Variants in LETMD1 observed in about 807,000 individuals in gnomAD.
The protein encoded by LETMD1 is LETM1 domain containing 1.
Under a neutral mutation model 43.9 loss-of-function variants are expected in LETMD1, and 30 were observed. The observed-to-expected ratio is 0.68, with a 90% CI of 0.51 to 0.93. LETMD1 has a LOEUF of 0.93. Among genes scored for constraint, LETMD1 ranks in the 40% least tolerant of loss-of-function variants. LETMD1 has a pLI of 0.00. For synonymous variants in LETMD1, 176 were observed against 163.1 expected (o/e 1.08, Z -0.60); for missense variants, 413 against 447.7 (o/e 0.92, Z 0.70).
At chr12:51,057,514 C>A (rs1356267980) in intron 7 of LETMD1, 1 of 154,886 alleles carries the variant, frequency 6.5e-6, no homozygotes, top group African/African-American at 2.4e-5. Context: ...AAGGATACTG[C>A]AGTTTAGACC....
At chr12:51,056,818 A>G in intron 7 of LETMD1, 1 of 213,644 alleles carries the variant, frequency 4.7e-6, no homozygotes, top group Admixed American at 5.4e-5. Context: ...ACGCCCAGCT[A>G]ATTTTTTGTA....
chr12:51,049,056 C>G lies in LETMD1; in HGVS notation c.145C>G (p.Pro49Ala), dbSNP rs1244022156. 1.9e-6 allele frequency: 3 copies of G among 1,614,006 alleles called. No homozygotes were observed. Among genetic ancestry groups the G allele is most frequent in the Admixed American group, 3.3e-5 (2 of 59,950 alleles). The stretch of plus-strand genomic sequence containing the variant: ...TAGGTCTTCAAAGCTTCACCTTTCT[C>G]CAAAGGCAGATGTGAAGAACTTGAT... ...APRSSKLHLSPKADVKNLMSY... is the reference protein window; with the variant it reads ...APRSSKLHLSAKADVKNLMSY... Residue 49 changes from proline (P) to alanine (A), a missense_variant, in exon 2 of 9, where the codon CCA becomes GCA. Transcript: ENST00000262055.
chr12:51,049,253 T>A, intron 2 of LETMD1, 68 bp downstream of exon 2: 1 of 1,394,582 alleles, frequency 7.2e-7, no homozygotes, highest in Non-Finnish European at 9.9e-7. Flanking sequence ...TTAGCATAAA[T>A]AAGATCATTT....
chr12:51,067,907 T>G, the LETMD1 span: 1 of 1,614,188 alleles, frequency 6.2e-7, no homozygotes, highest in Non-Finnish European at 8.5e-7. The surrounding 1 kb of genome is among the most constrained non-coding windows in gnomAD (Gnocchi z 4.1). Context: ...TATCTTCATC[T>G]GACACATCAT....
chr12:51,066,831 TCTG>T, the LETMD1 span, among the ~76,000 whole-genome samples: 8 of 152,260 alleles, frequency 5.3e-5, no homozygotes, highest in African/African-American at 1.7e-4. Context: ...ACACCATTCC[TCTG>T]CTAACTTTTT....
chr12:51,049,854 A>G (rs561422720), intron 2 of LETMD1, among the ~76,000 whole-genome samples: 2 of 152,332 alleles, frequency 1.3e-5, no homozygotes, highest in East Asian at 3.9e-4. Flanking sequence ...TGATACATGT[A>G]AAGTACCTAG....
chr12:51,066,720 T>G, the LETMD1 span, among the ~76,000 whole-genome samples: 2 of 152,142 alleles, frequency 1.3e-5, no homozygotes, highest in African/African-American at 4.8e-5. Flanking sequence ...CTAGGCCAGG[T>G]CTGATCCTGA....
intron 7 of LETMD1, chr12:51,057,565 T>C (rs1046884566): frequency 5.4e-6 from 1 of 183,706 alleles, no homozygotes; most frequent in African/African-American, 2.4e-5. Flanking sequence ...TTTTGTCATC[T>C]TGTCCATCAC....
downstream of LETMD1, chr12:51,062,175 C>T (rs753157174): frequency 3.3e-5 from 5 of 152,204 alleles, no homozygotes; most frequent in Non-Finnish European, 5.9e-5. Flanking sequence ...CTGCGACATA[C>T]GTGATGGTTT....
In LETMD1 at chr12:51,049,123, A is replaced by C; in HGVS notation, c.212A>C (p.Tyr71Ser). 1 of 1,614,038 alleles carries C rather than the reference A, an allele frequency of 6.2e-7. No homozygotes were observed. The highest frequency in any genetic ancestry group is 8.5e-7 in the Non-Finnish European group (1 of 1,179,906). ...AAGACAAAAGCGATTAATGGGAAAT[A>C]CCATCGTTTCTTGGGTCGTCATTTC... ...VTKTKAINGK[Y>S]HRFLGRHFPR... is the part of the protein sequence containing the mutation. Residue 71 changes from tyrosine (Y) to serine (S), a missense_variant, in exon 2 of 9, where the codon TAC becomes TCC. Transcript: ENST00000262055.
chr12:51,068,308 G>C, the LETMD1 span, among the ~76,000 whole-genome samples: 1 of 152,096 alleles, frequency 6.6e-6, no homozygotes, highest in Non-Finnish European at 1.5e-5. Flanking sequence ...TGAGTCACCA[G>C]CCTGGCTAAT....
chr12:51,063,961 A>G, downstream of LETMD1: 2 of 1,613,036 alleles, frequency 1.2e-6, no homozygotes, highest in African/African-American at 1.3e-5. Flanking sequence ...CCCACCTCTG[A>G]TTTACAGAGG....
chr12:51,053,668 C>T (rs2136626160), intron 3 of LETMD1, 110 bp from the exon 4 acceptor site: 2 of 713,814 alleles, frequency 2.8e-6, no homozygotes, highest in East Asian at 2.6e-5. Context: ...GAAATTTGGT[C>T]CTTTTTCTGG....
At chr12:51,057,409 T>C (rs2136716428) in intron 7 of LETMD1, 1 of 153,698 alleles carries the variant, frequency 6.5e-6, no homozygotes, top group Admixed American at 6.4e-5. Flanking sequence ...TCACCTCATT[T>C]CTGTGTCTTT....
chr12:51,059,070 A>G (rs1948528378), intron 8 of LETMD1: 5 of 390,336 alleles, frequency 1.3e-5, no homozygotes, highest in South Asian at 1.0e-4. Context: ...CTAGAGCACC[A>G]ACTTCTACCA....
intron 4 of LETMD1, 86 bp downstream of exon 4, chr12:51,053,946 A>G: frequency 2.3e-6 from 2 of 871,568 alleles, no homozygotes; most frequent in Non-Finnish European, 3.7e-6. Flanking sequence ...CACTCATTTC[A>G]GAAGATAGGC....
At chr12:51,055,186 G>A (rs578232797) in intron 4 of LETMD1, among the ~76,000 whole-genome samples, 36 of 152,198 alleles carry the variant, frequency 2.4e-4, no homozygotes, top group African/African-American at 7.9e-4. Flanking sequence ...ATCACATATA[G>A]TGTCCTGGTC....
intron 1 of LETMD1, 192 bp downstream of exon 1, chr12:51,048,670 C>G: frequency 1.4e-6 from 1 of 693,398 alleles, no homozygotes; most frequent in Non-Finnish European, 2.4e-6. Flanking sequence ...TCTCAGTGCC[C>G]CATATTGTCT....
downstream of LETMD1, chr12:51,064,679 G>A: frequency 1.3e-6 from 2 of 1,503,602 alleles, no homozygotes; most frequent in Non-Finnish European, 1.8e-6. Context: ...CCTGAGCGGG[G>A]ACAAGAAGGT....
Sources: allele counts gnomAD v4.1 joint callset (sites outside exome capture counted in the v4.1 genomes callset), GRCh38; gene constraint gnomAD v4.1.1; non-coding constraint Gnocchi (gnomAD v3.1); transcripts MANE v1.5; gene names NCBI Gene and HGNC (gene_info 2026-07-23, HGNC 2026-07-21).